CPA6: variants seen among roughly 807,000 people sequenced by gnomAD.
The protein encoded by CPA6 is carboxypeptidase A6.
CPA6 carries 58 observed loss-of-function variants against 63.3 expected under a neutral mutation model. That is an observed-to-expected ratio of 0.92 (90% CI 0.74 to 1.14). The LOEUF is 1.14. Ranked by LOEUF, CPA6 falls within the 50% of genes most tolerant of loss-of-function variation. The pLI is 0.00. For missense variants in CPA6, 565 were observed against 526.6 expected (o/e 1.07, Z -0.71); for synonymous variants, 185 against 179.0 (o/e 1.03, Z -0.27).
rs944565152 is a variant in CPA6, at chr8:67,466,467, T to A, written c.838+17301A>T. 2.6e-5 allele frequency among the ~76,000 whole-genome samples: 4 copies of A among 152,326 alleles called. No individual in the cohort carries two copies. In the South Asian group the frequency reaches 8.3e-4, roughly 32 times the overall value. ...TTTGGGTCTCAATTTCATTGAGTTC[T>A]GCTCTAATTTTAGATTTTTAATTTC... is the stretch of plus-strand genomic sequence containing the variant. On this transcript the variant is annotated intron_variant, in intron 8 of 10. Transcript: ENST00000297770.
At chr8:67,632,396 C>CAGCTCTTAAGGTGGCACG (rs1448687886) in intron 1 of CPA6, among the ~76,000 whole-genome samples, 1 of 151,848 alleles carries the variant, frequency 6.6e-6, no homozygotes, top group South Asian at 2.1e-4. Flanking sequence ...TACTCTCAAA[C>CAGCTCTTAAGGTGGCACG]TCCTGGACTC....
chr8:67,643,644 A>C (rs1293730708), intron 1 of CPA6, among the ~76,000 whole-genome samples: 3 of 152,186 alleles, frequency 2.0e-5, no homozygotes, highest in Non-Finnish European at 4.4e-5. Flanking sequence ...AAGGAAGTAC[A>C]CATGGGAGGA....
At chr8:67,581,426 A>C (rs1045037055) in intron 2 of CPA6, among the ~76,000 whole-genome samples, 1 of 152,236 alleles carries the variant, frequency 6.6e-6, no homozygotes, top group African/African-American at 2.4e-5. Flanking sequence ...TAGTCAAAGT[A>C]TATGCTGAGA....
At chr8:67,540,650 A>G (rs997733310) in intron 2 of CPA6, among the ~76,000 whole-genome samples, 1 of 152,192 alleles carries the variant, frequency 6.6e-6, no homozygotes, top group Non-Finnish European at 1.5e-5. Context: ...TGGGAGTTTT[A>G]TCTATAAGCC....
At chr8:67,429,192 C>T (rs1809964376) in intron 9 of CPA6, among the ~76,000 whole-genome samples, 1 of 152,052 alleles carries the variant, frequency 6.6e-6, no homozygotes, top group South Asian at 2.1e-4. Context: ...GGAACTTTTC[C>T]TAAGAATGGC....
At chr8:67,540,190 G>A (rs572026813) in intron 2 of CPA6, among the ~76,000 whole-genome samples, 5 of 150,156 alleles carry the variant, frequency 3.3e-5, no homozygotes, top group East Asian at 1.9e-4. Flanking sequence ...TTTTTTTTTC[G>A]TGGGTGTCCT....
chr8:67,601,995 G>T (rs1440081831), intron 2 of CPA6, among the ~76,000 whole-genome samples: 1 of 152,114 alleles, frequency 6.6e-6, no homozygotes, highest in African/African-American at 2.4e-5. Context: ...AGGAAATCTG[G>T]TATATCTATG....
intron 1 of CPA6, among the ~76,000 whole-genome samples, chr8:67,647,620 T>C (rs1292239408): frequency 6.6e-6 from 1 of 152,210 alleles, no homozygotes; most frequent in East Asian, 1.9e-4. Flanking sequence ...CTCAATTGTC[T>C]CCCAAAGAAT....
chr8:67,454,631 T>G (rs1387182412), intron 8 of CPA6, among the ~76,000 whole-genome samples: 1 of 152,206 alleles, frequency 6.6e-6, no homozygotes, highest in Non-Finnish European at 1.5e-5. Context: ...AATATATTGT[T>G]TCTGAAAGAG....
intron 6 of CPA6, among the ~76,000 whole-genome samples, chr8:67,503,752 T>C (rs965862469): frequency 6.6e-6 from 1 of 152,182 alleles, no homozygotes; most frequent in African/African-American, 2.4e-5. Flanking sequence ...ATTATTATTA[T>C]TTTTTTAAGT....
chr8:67,496,576 T>C (rs1811724082), intron 6 of CPA6, among the ~76,000 whole-genome samples: 1 of 144,860 alleles, frequency 6.9e-6, no homozygotes, highest in African/African-American at 2.5e-5. Flanking sequence ...ATTTTTTTTT[T>C]TTGAGATGGA....
At chr8:67,549,198 T>C (rs143061302) in intron 2 of CPA6, among the ~76,000 whole-genome samples, 13 of 152,238 alleles carry the variant, frequency 8.5e-5, no homozygotes, top group Admixed American at 3.3e-4. Context: ...ATCAGAAATA[T>C]ACTGATTTTG....
At chr8:67,715,301 C>T (rs1817354563) in intron 1 of CPA6, among the ~76,000 whole-genome samples, 2 of 152,326 alleles carry the variant, frequency 1.3e-5, no homozygotes, top group Middle Eastern at 6.8e-3. Flanking sequence ...TGGCTATAAA[C>T]TGGGGGTTCC....
intron 3 of CPA6, among the ~76,000 whole-genome samples, chr8:67,515,406 C>T (rs79235906): frequency 0.018 from 2,769 of 152,240 alleles, 86 homozygotes; most frequent in African/African-American, 0.062. Flanking sequence ...CTTCAGGGAA[C>T]TCTCTTTTCT....
intron 2 of CPA6, among the ~76,000 whole-genome samples, chr8:67,591,950 T>C (rs546329309): frequency 0.067 from 10,248 of 152,202 alleles, 617 homozygotes; most frequent in African/African-American, 0.16. Context: ...AGAGAGGGCA[T>C]CCCTGTCTTG....
intron 2 of CPA6, among the ~76,000 whole-genome samples, chr8:67,614,215 C>T (rs1424971890): frequency 2.0e-5 from 3 of 152,182 alleles, no homozygotes; most frequent in Admixed American, 1.3e-4. Context: ...AAGCACTCAC[C>T]CCAGCCTCTG....
chr8:67,543,893 C>T (rs1392130749), intron 2 of CPA6, among the ~76,000 whole-genome samples: 1 of 151,942 alleles, frequency 6.6e-6, no homozygotes, highest in East Asian at 1.9e-4. Context: ...AAGTGATCCT[C>T]CTGACTCAGC....
intron 2 of CPA6, among the ~76,000 whole-genome samples, chr8:67,622,855 T>C (rs1815112567): frequency 6.6e-6 from 1 of 152,204 alleles, no homozygotes; most frequent in Admixed American, 6.5e-5. Context: ...TCCATTAAAA[T>C]GAAGCCTAAA....
At chr8:67,442,905 C>A (rs140807495) in intron 8 of CPA6, among the ~76,000 whole-genome samples, 11 of 152,250 alleles carry the variant, frequency 7.2e-5, no homozygotes, top group Admixed American at 2.0e-4. Context: ...ATGCAGGTAT[C>A]CTTTACAAGG....
Sources: gnomAD v4.1 joint callset for allele counts (sites outside exome capture counted in the v4.1 genomes callset) on GRCh38, gnomAD v4.1.1 for gene constraint, MANE v1.5 for transcripts, NCBI Gene and HGNC (gene_info 2026-07-23, HGNC 2026-07-21) for gene names.